Variants in CELA3B observed in about 807,000 individuals in gnomAD.
The protein encoded by CELA3B is chymotrypsin like elastase 3B, also known as chymotrypsin-like elastase family member 3B.
In CELA3B, 34 loss-of-function variants were observed where a neutral mutation model predicts 37.2. That is an observed-to-expected ratio of 0.91 (90% CI 0.70 to 1.22). The LOEUF is 1.22. Ranked by LOEUF, CELA3B falls within the 50% of genes most tolerant of loss-of-function variation. CELA3B has a pLI of 0.00. For missense variants in CELA3B, 340 were observed against 363.1 expected (o/e 0.94, Z 0.52); for synonymous variants, 127 against 143.5 (o/e 0.89, Z 0.82).
Position 21,983,774 on chromosome 1 carries a change from G to T in CELA3B, c.443G>T (p.Gly148Val), listed in dbSNP as rs1644819980. The T allele has an allele frequency of 6.2e-7, 1 of 1,614,080 alleles. No homozygotes were observed. The highest frequency in any genetic ancestry group is 8.5e-7 in the Non-Finnish European group (1 of 1,180,016). ...AVQLASLPPA[G>V]DILPNETPCY... Reference sequence around the variant, plus strand: ...CAGCTCGCCTCACTCCCTCCGGCTGGTGACATCCTTCCCAACGAGACACCC... The same window carrying T: ...CAGCTCGCCTCACTCCCTCCGGCTGTTGACATCCTTCCCAACGAGACACCC... The change falls in exon 5 of 8, where the codon GGT (glycine) becomes GTT (valine). Residue 148 changes from glycine to valine, a missense_variant. Physicochemically the swap from Gly to Val is moderately radical, Grantham distance 109. Coordinates refer to ENST00000337107, the MANE Select transcript of CELA3B (RefSeq NM_007352.4).
chr1:21,984,850 G>A (rs1255146955), intron 6 of CELA3B, among the ~76,000 whole-genome samples: 2 of 151,986 alleles, frequency 1.3e-5, no homozygotes, highest in Non-Finnish European at 2.9e-5. Context: ...GGGAGGCTGA[G>A]ACAGGAGAAT....
intron 4 of CELA3B, among the ~76,000 whole-genome samples, chr1:21,996,261 A>C (rs1357605417): frequency 1.3e-5 from 2 of 148,372 alleles, no homozygotes; most frequent in East Asian, 4.1e-4. Context: ...AGGTTAAGGC[A>C]TTTTAGGTCA....
rs781460880 is a variant in CELA3B at position 21,984,266 on chromosome 1, TG to T, written c.579del (p.Trp193CysfsTer6). 42 of 1,614,064 alleles carry T rather than the reference TG, an allele frequency of 2.6e-5. No homozygotes were observed. Among genetic ancestry groups the T allele is most frequent in the Middle Eastern group, 3.3e-4 (2 of 6,082 alleles). On this transcript the variant is annotated frameshift_variant, in exon 6 of 8. Coordinates refer to ENST00000337107, the MANE Select transcript of CELA3B (RefSeq NM_007352.4). LOFTEE classifies it high-confidence loss of function. ...VDYEHCSRWN[W>X]WGSSVKKTMV... Reference sequence around the variant, plus strand: ...CTATGAACACTGCTCCAGGTGGAACTGGTGGGGTTCCTCCGTGAAGAAGACC... The same window carrying T: ...CTATGAACACTGCTCCAGGTGGAACTGTGGGGTTCCTCCGTGAAGAAGACC...
chr1:21,978,848 G>C (rs1033646585), intron 2 of CELA3B, among the ~76,000 whole-genome samples: 7 of 151,730 alleles, frequency 4.6e-5, no homozygotes, highest in Non-Finnish European at 8.8e-5. Flanking sequence ...GTGGAGGGAA[G>C]CTCAGAAGGC....
chr1:21,977,180 G>C, intron 1 of CELA3B, 98 bp downstream of exon 1: 1 of 1,558,744 alleles, frequency 6.4e-7, no homozygotes, highest in Non-Finnish European at 8.8e-7. Context: ...CCCTATGCCT[G>C]GTTCCACAGG....
chr1:21,994,615 G>A (rs573096750), intron 4 of CELA3B, among the ~76,000 whole-genome samples: 33 of 151,226 alleles, frequency 2.2e-4, no homozygotes, highest in African/African-American at 7.3e-4. Context: ...AGAGCCAGTG[G>A]AACGGCAGAA....
At chr1:21,991,857 T>C (rs1199883874), downstream of CELA3B, among the ~76,000 whole-genome samples, 1 of 150,842 alleles carries the variant, frequency 6.6e-6, no homozygotes, top group Admixed American at 6.6e-5. Context: ...CAGTGGCTCA[T>C]GCCTGTCATC....
intron 4 of CELA3B, among the ~76,000 whole-genome samples, chr1:21,994,989 G>A (rs1569856348): frequency 2.8e-5 from 3 of 107,978 alleles, no homozygotes; most frequent in South Asian, 7.2e-4. Flanking sequence ...GCGACAGAGT[G>A]AGACTTGTCT....
chr1:21,995,831 G>C (rs1418260442), intron 4 of CELA3B, among the ~76,000 whole-genome samples: 1 of 146,700 alleles, frequency 6.8e-6, no homozygotes, highest in African/African-American at 2.6e-5. Flanking sequence ...TGAGGGCTAC[G>C]AGCAAAGGTT....
chr1:21,980,330 T>C (rs145409980), intron 2 of CELA3B, among the ~76,000 whole-genome samples: 1,548 of 151,438 alleles, frequency 0.01, 30 homozygotes, highest in African/African-American at 0.036. Context: ...AAATACAAAA[T>C]TAGCCAGGCA....
At chr1:21,978,475 C>T (rs1644784912) in intron 2 of CELA3B, 21 bp downstream of exon 2, 2 of 1,613,354 alleles carry the variant, frequency 1.2e-6, no homozygotes, top group South Asian at 1.1e-5. Context: ...TAGCAGCTGC[C>T]CTCATTCCCA....
At chr1:21,986,870 T>C (rs1644841756) in intron 7 of CELA3B, 187 bp downstream of exon 7, 5 of 670,936 alleles carry the variant, frequency 7.5e-6, no homozygotes, top group East Asian at 5.5e-5. Context: ...AGGAACTTGA[T>C]GGCTTCTGGG....
At chr1:21,998,402 T>A in exon 5 of CELA3B, 1 of 329,854 alleles carries the variant, frequency 3.0e-6, no homozygotes, top group South Asian at 2.7e-5. Context: ...GGGGGCTCCG[T>A]TCTAGTGGGT....
At chr1:21,981,561 TGA>T (rs1644804395) in intron 4 of CELA3B, among the ~76,000 whole-genome samples, 1 of 151,664 alleles carries the variant, frequency 6.6e-6, no homozygotes, top group Non-Finnish European at 1.5e-5. Context: ...AGCACTGGGC[TGA>T]GAGTCAGGCT....
chr1:21,979,552 A>G (rs1644792683), intron 2 of CELA3B, among the ~76,000 whole-genome samples: 1 of 148,598 alleles, frequency 6.7e-6, no homozygotes, highest in African/African-American at 2.5e-5. Context: ...TCCTAGGTCC[A>G]AGCAATCATC....
At chr1:21,985,595 G>GAAA (rs35792634) in intron 6 of CELA3B, among the ~76,000 whole-genome samples, 1 of 143,202 alleles carries the variant, frequency 7.0e-6, no homozygotes. Context: ...GTCTGTTAAA[G>GAAA]AAAAAAAAAA....
chr1:21,984,095 A>G lies in CELA3B; in HGVS notation c.500-94A>G, dbSNP rs544631126. The G allele has an allele frequency of 2.9e-4, 423 of 1,461,440 alleles. 1 individual carries two copies. The African/African-American group carries it at 4.9e-3, about 17-fold the overall frequency. The allele number at this position is 1,461,440 out of a possible 1,614,324, so 90.5% of individuals were successfully genotyped here. ...CGGGTGGGAGGAGAGTCCTCATCAG[A>G]GCAGAAGAACTGTGCGCCTTGGATG... On this transcript the variant is annotated intron_variant, in intron 5 of 7. Coordinates refer to ENST00000337107, the MANE Select transcript of CELA3B (RefSeq NM_007352.4).
intron 4 of CELA3B, among the ~76,000 whole-genome samples, chr1:21,997,616 G>A (rs1403387181): frequency 2.0e-5 from 3 of 150,560 alleles, no homozygotes; most frequent in African/African-American, 7.4e-5. Context: ...TTGAACCCGG[G>A]AGGCGAAGGT....
chr1:21,979,449 TTTTC>T (rs1444421470), intron 2 of CELA3B, among the ~76,000 whole-genome samples: 1,944 of 90,472 alleles, frequency 0.021, 67 homozygotes, highest in African/African-American at 0.073. Flanking sequence ...TTTTCTTTTC[TTTTC>T]TTTTTTTTTT....
Sources: gnomAD v4.1 joint callset for allele counts (sites outside exome capture counted in the v4.1 genomes callset) on GRCh38, gnomAD v4.1.1 for gene constraint, MANE v1.5 for transcripts, NCBI Gene and HGNC (gene_info 2026-07-23, HGNC 2026-07-21) for gene names.